PGM5: variants seen among roughly 807,000 people sequenced by gnomAD.
PGM5 encodes phosphoglucomutase-like protein 5.
Under a neutral mutation model 59.2 loss-of-function variants are expected in PGM5, and 23 were observed. The ratio of observed to expected loss-of-function variants is 0.39; its 90% confidence interval spans 0.28 to 0.55. PGM5 has a LOEUF of 0.55. Among genes scored for constraint, PGM5 ranks in the 20% least tolerant of loss-of-function variants. The pLI is 0.66. For synonymous variants in PGM5, 214 were observed against 286.0 expected (o/e 0.75, Z 2.54); for missense variants, 574 against 748.3 (o/e 0.77, Z 2.72).
intron 2 of PGM5, among the ~76,000 whole-genome samples, chr9:68,379,437 A>G (rs1220592029): frequency 7.2e-5 from 11 of 152,194 alleles, no homozygotes; most frequent in Non-Finnish European, 1.2e-4. Flanking sequence ...CAAACAAGAA[A>G]GTGTATTCAT....
At chr9:68,445,183 A>G (rs1823592152) in intron 6 of PGM5, among the ~76,000 whole-genome samples, 1 of 152,116 alleles carries the variant, frequency 6.6e-6, no homozygotes, top group African/African-American at 2.4e-5. Flanking sequence ...TAGAGTGCGT[A>G]AGAATCTTAT....
chr9:68,467,649 C>T (rs1182990860), intron 7 of PGM5, among the ~76,000 whole-genome samples: 12 of 152,108 alleles, frequency 7.9e-5, no homozygotes, highest in African/African-American at 2.9e-4. Context: ...GCTGATATGT[C>T]TCTTAAGTCT....
At chr9:68,406,412 G>A (rs1231245809) in intron 6 of PGM5, 3 of 150,064 alleles carry the variant, frequency 2.0e-5, no homozygotes, top group African/African-American at 4.9e-5. Flanking sequence ...AGGGGGCTGA[G>A]CATGCTAGCT....
chr9:68,457,618 C>G (rs549750423), intron 6 of PGM5, among the ~76,000 whole-genome samples: 1 of 152,098 alleles, frequency 6.6e-6, no homozygotes. Context: ...ATAATACTAT[C>G]TAAGAAAACA....
intron 6 of PGM5, among the ~76,000 whole-genome samples, chr9:68,420,355 C>T (rs1823107244): frequency 6.6e-6 from 1 of 152,120 alleles, no homozygotes; most frequent in South Asian, 2.1e-4. Context: ...AAACTGACCC[C>T]TTTGAATTCA....
At chr9:68,380,962 G>T (rs530517568) in intron 2 of PGM5, among the ~76,000 whole-genome samples, 1 of 151,826 alleles carries the variant, frequency 6.6e-6, no homozygotes, top group Non-Finnish European at 1.5e-5. Context: ...AAATAGAAAA[G>T]CCTAGGACCA....
At chr9:68,360,054 A>C (rs2131969317) in intron 1 of PGM5, among the ~76,000 whole-genome samples, 1 of 152,190 alleles carries the variant, frequency 6.6e-6, no homozygotes, top group South Asian at 2.1e-4. Flanking sequence ...TGTGTTGCCC[A>C]GTCTAGTCTC....
chr9:68,461,998 A>G (rs1304000485), intron 6 of PGM5, among the ~76,000 whole-genome samples: 1 of 152,130 alleles, frequency 6.6e-6, no homozygotes, highest in Non-Finnish European at 1.5e-5. Context: ...CATAGAATAC[A>G]TAGGGAGTAG....
intron 6 of PGM5, among the ~76,000 whole-genome samples, chr9:68,408,846 G>T (rs1256837300): frequency 2.0e-5 from 3 of 152,020 alleles, no homozygotes; most frequent in African/African-American, 4.8e-5. Flanking sequence ...TTTCCCCATC[G>T]CTTTTTTTTT....
chr9:68,410,549 G>A (rs1463625441), intron 6 of PGM5, among the ~76,000 whole-genome samples: 8 of 152,020 alleles, frequency 5.3e-5, no homozygotes, highest in Non-Finnish European at 1.0e-4. Flanking sequence ...ATGGTGATGA[G>A]GATGATGATG....
intron 10 of PGM5, among the ~76,000 whole-genome samples, chr9:68,503,614 C>G (rs1532235): frequency 0.079 from 12,098 of 152,216 alleles, 1,616 homozygotes; most frequent in African/African-American, 0.28. Context: ...CATGATTACT[C>G]TAGCTACCAG....
chr9:68,435,039 T>C (rs1823423778), intron 6 of PGM5, among the ~76,000 whole-genome samples: 1 of 152,184 alleles, frequency 6.6e-6, no homozygotes, highest in Admixed American at 6.5e-5. Context: ...GCTCAAGCTG[T>C]TTCCTCTACT....
chr9:68,420,950 G>A (rs1228193116), intron 6 of PGM5, among the ~76,000 whole-genome samples: 1 of 152,204 alleles, frequency 6.6e-6, no homozygotes, highest in Non-Finnish European at 1.5e-5. Context: ...AAAGTGTAAG[G>A]TGTTATGATG....
intron 2 of PGM5, among the ~76,000 whole-genome samples, chr9:68,382,519 T>A (rs1339555137): frequency 6.6e-6 from 1 of 151,818 alleles, no homozygotes; most frequent in Non-Finnish European, 1.5e-5. Context: ...TGGGACTACC[T>A]CAAACTAAAA....
rs2131963856 is a variant in PGM5, at chr9:68,357,260, A to T, written c.133A>T (p.Ile45Phe). ...CCAGCGCAACTACCTGCCCAACTTT[A>T]TCCAGAGCGTGCTGTCGTCCATCGA... ...EGQRNYLPNF[I>F]QSVLSSIDLR... The change falls in exon 1 of 11, where the codon ATC becomes TTC. Residue 45 changes from isoleucine (I) to phenylalanine (F), a missense_variant. By Grantham distance (21) the Ile-to-Phe change is conservative (BLOSUM62 0). This residue lies in a region of PGM5 where 60 missense variants were observed against 71.0 expected (regional missense o/e 0.85). Coordinates refer to ENST00000396396, the MANE Select transcript of PGM5 (RefSeq NM_021965.4). 1 of 1,544,016 alleles carries T rather than the reference A, an allele frequency of 6.5e-7. No homozygotes were observed. Among genetic ancestry groups the T allele is most frequent in the Non-Finnish European group, 8.7e-7 (1 of 1,145,986 alleles).
At chr9:68,471,854 G>A (rs1172410451) in intron 7 of PGM5, among the ~76,000 whole-genome samples, 4 of 152,096 alleles carry the variant, frequency 2.6e-5, no homozygotes, top group Admixed American at 2.6e-4. Context: ...AGGAGATGGA[G>A]GTTGTGATGA....
chr9:68,480,422 A>G (rs1386938081), intron 8 of PGM5, among the ~76,000 whole-genome samples: 1 of 152,272 alleles, frequency 6.6e-6, no homozygotes, highest in East Asian at 1.9e-4. Context: ...AAAGAGGTAC[A>G]GGCCAGGTGT....
At chr9:68,416,348 G>C (rs1823032237) in intron 6 of PGM5, among the ~76,000 whole-genome samples, 3 of 152,162 alleles carry the variant, frequency 2.0e-5, no homozygotes. Context: ...GGGACCCTGA[G>C]GCATGTGTTT....
At chr9:68,436,983 A>G (rs1823451561) in intron 6 of PGM5, among the ~76,000 whole-genome samples, 1 of 152,218 alleles carries the variant, frequency 6.6e-6, no homozygotes, top group Admixed American at 6.5e-5. Context: ...AAATAAGTGT[A>G]TTAATGAATT....
Sources: allele counts gnomAD v4.1 joint callset (sites outside exome capture counted in the v4.1 genomes callset), GRCh38; gene constraint gnomAD v4.1.1; regional missense constraint gnomAD v4.1.1; transcripts MANE v1.5; gene names NCBI Gene and HGNC (gene_info 2026-07-23, HGNC 2026-07-21).